Variants in ERBB4 observed in about 807,000 individuals in gnomAD.
ERBB4 encodes the protein receptor tyrosine-protein kinase erbB-4.
ERBB4 carries 42 observed loss-of-function variants against 158.0 expected under a neutral mutation model. That is an observed-to-expected ratio of 0.27 (90% CI 0.21 to 0.34). The LOEUF is 0.34. ERBB4 is among the 10% of genes least tolerant of loss of function. The pLI is 1.00. For synonymous variants in ERBB4, 583 were observed against 558.7 expected (o/e 1.04, Z -0.61); for missense variants, 1,333 against 1,624.1 (o/e 0.82, Z 3.08).
At chr2:211,717,065 T>C (rs2073942723) in intron 7 of ERBB4, among the ~76,000 whole-genome samples, 1 of 152,160 alleles carries the variant, frequency 6.6e-6, no homozygotes, top group African/African-American at 2.4e-5. Context: ...ACTTCTGCTC[T>C]CACCCAACCC....
At chr2:211,461,087 A>G (rs980975376) in intron 20 of ERBB4, among the ~76,000 whole-genome samples, 71 of 53,286 alleles carry the variant, frequency 1.3e-3, no homozygotes, top group African/African-American at 3.2e-3. Flanking sequence ...GATTGGGGGA[A>G]AAAAAAAAAA....
At chr2:212,373,864 C>CAT (rs568104058) in intron 1 of ERBB4, among the ~76,000 whole-genome samples, 2,245 of 72,784 alleles carry the variant, frequency 0.031, 101 homozygotes, top group South Asian at 0.059. Flanking sequence ...TGTATATATC[C>CAT]ATATATATAT....
chr2:212,226,775 C>G (rs1391356473), intron 1 of ERBB4, among the ~76,000 whole-genome samples: 1 of 152,014 alleles, frequency 6.6e-6, no homozygotes, highest in Non-Finnish European at 1.5e-5. Context: ...AAATGGAACA[C>G]TAAAAAGTTA....
intron 4 of ERBB4, among the ~76,000 whole-genome samples, chr2:211,769,386 C>G (rs868802786): frequency 1.3e-5 from 2 of 152,166 alleles, no homozygotes; most frequent in Non-Finnish European, 2.9e-5. Flanking sequence ...TGCCTGTTGT[C>G]CATTTCCAAA....
In ERBB4 at chr2:211,515,884, T is replaced by C. The variant is rs868316000; in HGVS notation, c.2487+46019A>G. ...GGTAGTGACTGTTTAGTAACTTATATAAAAACATATATTATATATATATAT... is the reference window on the plus strand; with the variant it reads ...GGTAGTGACTGTTTAGTAACTTATACAAAAACATATATTATATATATATAT... On this transcript the variant is annotated intron_variant, in intron 20 of 27. Coordinates refer to ENST00000342788, the MANE Select transcript of ERBB4 (RefSeq NM_005235.3). 5.3e-3 allele frequency among the ~76,000 whole-genome samples: 713 copies of C among 133,834 alleles called. 13 individuals carry two copies. Among genetic ancestry groups the C allele is most frequent in the African/African-American group, 0.019 (663 of 34,856 alleles). 87.8% of individuals were successfully genotyped at this position (133,834 alleles called of 152,430 possible).
chr2:212,234,163 T>C (rs143344831), intron 1 of ERBB4, among the ~76,000 whole-genome samples: 1 of 152,046 alleles, frequency 6.6e-6, no homozygotes, highest in African/African-American at 2.4e-5. Context: ...CCCTGTTGTG[T>C]GATGTTTCCC....
At chr2:212,015,122 C>G (rs1285008145) in intron 2 of ERBB4, among the ~76,000 whole-genome samples, 2 of 124,572 alleles carry the variant, frequency 1.6e-5, no homozygotes, top group African/African-American at 3.2e-5. Flanking sequence ...AAAAATTAGC[C>G]GGGCATGGTG....
intron 20 of ERBB4, among the ~76,000 whole-genome samples, chr2:211,553,592 A>G (rs1218085219): frequency 2.0e-5 from 3 of 152,218 alleles, no homozygotes; most frequent in African/African-American, 7.2e-5. Context: ...AAAATAACAC[A>G]TAGTTTACAT....
chr2:211,550,574 AATAT>A lies in ERBB4; in HGVS notation c.2487+11325_2487+11328del, dbSNP rs376362405. 2.3e-4 allele frequency among the ~76,000 whole-genome samples: 31 copies of A among 136,902 alleles called. No homozygotes were observed. In the South Asian group the frequency reaches 4.6e-3, roughly 20 times the overall value. The allele number at this position is 136,902 out of a possible 152,430, so 89.8% of individuals were successfully genotyped here. The stretch of plus-strand genomic sequence containing the variant: ...ATAATCTCATGAGCTCATTCCTTAG[AATAT>A]ATATATATATATATATAAATATATA... On this transcript the variant is annotated intron_variant, in intron 20 of 27. Transcript: ENST00000342788.
At chr2:212,017,857 C>G (rs906615008) in intron 2 of ERBB4, among the ~76,000 whole-genome samples, 35 of 152,018 alleles carry the variant, frequency 2.3e-4, no homozygotes, top group African/African-American at 8.5e-4. Flanking sequence ...AAAATGATTC[C>G]TGAGAAAATA....
rs73077357 is a variant in ERBB4 at position 211,910,345 on chromosome 2, T to A, written c.421+37085A>T. Among the ~76,000 whole-genome samples, 608 of 151,016 alleles carry A rather than the reference T, an allele frequency of 4.0e-3. 7 individuals carry two copies. Among genetic ancestry groups the A allele is most frequent in the African/African-American group, 0.014 (570 of 41,408 alleles). ...TAAAACATAATAATATTGTCTAATT[T>A]TCTTGTAGAGGCTGGATATGAGACC... On this transcript the variant is annotated intron_variant, in intron 3 of 27. Transcript: ENST00000342788.
chr2:212,260,902 AAATT>A (rs1242818375), intron 1 of ERBB4, among the ~76,000 whole-genome samples: 1 of 152,152 alleles, frequency 6.6e-6, no homozygotes, highest in African/African-American at 2.4e-5. Context: ...GGAAAATGGG[AAATT>A]ATTATTCTGA....
intron 9 of ERBB4, among the ~76,000 whole-genome samples, chr2:211,707,468 A>G (rs919369632): frequency 2.6e-5 from 4 of 152,034 alleles, no homozygotes; most frequent in African/African-American, 4.8e-5. Context: ...AGAGAAACAT[A>G]TTTTCATTTC....
intron 1 of ERBB4, among the ~76,000 whole-genome samples, chr2:212,354,539 C>G (rs900639547): frequency 2.0e-4 from 30 of 152,250 alleles, no homozygotes; most frequent in Non-Finnish European, 3.5e-4. Context: ...CACATACACA[C>G]TAGGAAATAA....
intron 1 of ERBB4, among the ~76,000 whole-genome samples, chr2:212,174,556 C>T (rs2081605653): frequency 6.6e-6 from 1 of 152,034 alleles, no homozygotes; most frequent in African/African-American, 2.4e-5. Context: ...AGGATGATTC[C>T]TCTTTGAAGA....
intron 5 of ERBB4, among the ~76,000 whole-genome samples, chr2:211,736,165 A>C (rs1189078727): frequency 6.8e-6 from 1 of 146,820 alleles, no homozygotes; most frequent in East Asian, 2.2e-4. Flanking sequence ...TCTGTCTCAA[A>C]AAAAGGAAAA....
chr2:211,918,639 G>T (rs1439256), intron 3 of ERBB4, among the ~76,000 whole-genome samples: 1 of 152,108 alleles, frequency 6.6e-6, no homozygotes, highest in African/African-American at 2.4e-5. Context: ...CCTAGTAGGA[G>T]TGTATTTCCC....
chr2:212,045,990 A>G (rs926953385), intron 2 of ERBB4, among the ~76,000 whole-genome samples: 1 of 152,188 alleles, frequency 6.6e-6, no homozygotes, highest in Non-Finnish European at 1.5e-5. Context: ...TCTTAGACTC[A>G]CTGGTATTCA....
intron 3 of ERBB4, among the ~76,000 whole-genome samples, chr2:211,852,167 T>A (rs2077735900): frequency 6.6e-6 from 1 of 151,972 alleles, no homozygotes; most frequent in Admixed American, 6.6e-5. Flanking sequence ...CATTTATTAC[T>A]TGCAGATTAA....
Sources: allele counts gnomAD v4.1 joint callset (sites outside exome capture counted in the v4.1 genomes callset), GRCh38; gene constraint gnomAD v4.1.1; transcripts MANE v1.5; gene names NCBI Gene and HGNC (gene_info 2026-07-23, HGNC 2026-07-21).